CFAP299: variants seen among roughly 807,000 people sequenced by gnomAD.
CFAP299 encodes the protein cilia- and flagella-associated protein 299.
A neutral mutation model predicts 27.0 loss-of-function variants in CFAP299; 21 were observed. The ratio of observed to expected loss-of-function variants is 0.78; its 90% CI spans 0.55 to 1.12. The LOEUF (loss-of-function observed/expected upper bound fraction) is 1.12, where lower values mean the gene tolerates loss of function less well. Ranked by LOEUF, CFAP299 falls within the 50% of genes most tolerant of loss-of-function variation. The probability of loss-of-function intolerance (pLI) is 0.00; values close to 1 mark genes in which losing one functional copy is unlikely to be tolerated. For synonymous variants in CFAP299, 104 were observed against 98.1 expected (o/e 1.06, Z -0.36); for missense variants, 310 against 276.6 (o/e 1.12, Z -0.86).
intron 2 of CFAP299, among the ~76,000 whole-genome samples, chr4:80,558,621 T>G (rs1441595532): frequency 2.0e-5 from 3 of 151,930 alleles, no homozygotes; most frequent in Admixed American, 2.0e-4. Flanking sequence ...TCATAGGAAT[T>G]GAACAAATTT....
intron 2 of CFAP299, among the ~76,000 whole-genome samples, chr4:80,490,888 T>G (rs1041865798): frequency 1.3e-5 from 2 of 152,134 alleles, no homozygotes; most frequent in Admixed American, 1.3e-4. Context: ...TTTTATTGTA[T>G]AAATTTTGAT....
intron 4 of CFAP299, among the ~76,000 whole-genome samples, chr4:80,902,584 T>TAA (rs1273685186): frequency 1.7e-4 from 8 of 47,108 alleles, no homozygotes; most frequent in Admixed American, 3.4e-4. Context: ...ATATGTAATA[T>TAA]ATACACACAC....
intron 3 of CFAP299, among the ~76,000 whole-genome samples, chr4:80,621,687 G>T (rs1037094537): frequency 6.6e-6 from 1 of 151,958 alleles, no homozygotes; most frequent in African/African-American, 2.4e-5. Flanking sequence ...TTAATTATTT[G>T]TTTATAAAAA....
At chr4:80,621,738 G>A (rs954829512) in intron 3 of CFAP299, among the ~76,000 whole-genome samples, 2 of 152,222 alleles carry the variant, frequency 1.3e-5, no homozygotes, top group Admixed American at 6.5e-5. Context: ...GCTTCAACAA[G>A]TAATTATTAC....
intron 3 of CFAP299, among the ~76,000 whole-genome samples, chr4:80,851,763 A>G (rs928753581): frequency 1.3e-5 from 2 of 152,120 alleles, no homozygotes; most frequent in Non-Finnish European, 2.9e-5. Context: ...TTCAGCCTTC[A>G]TCTTCTGTTA....
At position 80,362,878 on chromosome 4, in the gene CFAP299, AG is replaced by A. The variant is rs1560530603; in HGVS notation, c.237del (p.Gln79HisfsTer5). On this transcript the variant is annotated frameshift_variant, in exon 2 of 6. Transcript: ENST00000358105. LOFTEE classifies it high-confidence loss of function. ...IEIARLAERA[Q>X]QKTLTSAGKD... The stretch of plus-strand genomic sequence containing the variant: ...ATTGCAAGACTGGCTGAAAGAGCTC[AG>A]CAAAAGTAAGTGTCCATGTTCCAAA... 8.1e-6 allele frequency: 13 copies of A among 1,604,214 alleles called. No individual in the cohort carries two copies. The highest frequency in any genetic ancestry group is 1.1e-5 in the Non-Finnish European group (13 of 1,177,460).
At chr4:80,559,484 C>T (rs1345961650) in intron 2 of CFAP299, among the ~76,000 whole-genome samples, 1 of 152,040 alleles carries the variant, frequency 6.6e-6, no homozygotes, top group Non-Finnish European at 1.5e-5. Flanking sequence ...CAACTACCTC[C>T]ACAGAAAAAA....
At chr4:80,391,478 G>A (rs1725479359) in intron 2 of CFAP299, among the ~76,000 whole-genome samples, 1 of 152,080 alleles carries the variant, frequency 6.6e-6, no homozygotes, top group African/African-American at 2.4e-5. Flanking sequence ...GTGATGTTGA[G>A]CACTTTTTCA....
At chr4:80,901,769 A>AC (rs1734911467) in intron 4 of CFAP299, among the ~76,000 whole-genome samples, 1 of 152,076 alleles carries the variant, frequency 6.6e-6, no homozygotes, top group African/African-American at 2.4e-5. Flanking sequence ...ATGGTTACCT[A>AC]CTTTAGTTTT....
At chr4:80,626,754 A>G (rs1044081647) in intron 3 of CFAP299, among the ~76,000 whole-genome samples, 5 of 151,750 alleles carry the variant, frequency 3.3e-5, no homozygotes, top group African/African-American at 4.8e-5. Flanking sequence ...CCATTTCAGT[A>G]ACCTAGAGAA....
intron 3 of CFAP299, among the ~76,000 whole-genome samples, chr4:80,782,391 C>A (rs1354697250): frequency 6.6e-6 from 1 of 151,328 alleles, no homozygotes; most frequent in East Asian, 1.9e-4. Flanking sequence ...TTTTAAACAA[C>A]AAATTTTTCT....
At position 80,387,309 on chromosome 4, in the gene CFAP299, G is replaced by C. The variant is rs1297475558; in HGVS notation, c.242+24425G>C. 1.9e-6 allele frequency: 3 copies of C among 1,609,760 alleles called. No individual in the cohort carries two copies. In the African/African-American group the frequency reaches 4.0e-5, roughly 22 times the overall value. ...TGCTCCAGAAATGTGTCGAGCTTTG[G>C]GAACGTTTGGGCACAGCTTTTGACC... is the stretch of plus-strand genomic sequence containing the variant. On this transcript the variant is annotated intron_variant, in intron 2 of 5. Transcript: ENST00000358105.
chr4:80,800,797 A>G (rs1224580034), intron 3 of CFAP299, among the ~76,000 whole-genome samples: 1 of 139,690 alleles, frequency 7.2e-6, no homozygotes, highest in Non-Finnish European at 1.5e-5. Context: ...ATATATATAT[A>G]TGAGTTTAGT....
chr4:80,861,191 C>T (rs1312164328), intron 3 of CFAP299, among the ~76,000 whole-genome samples: 3 of 152,186 alleles, frequency 2.0e-5, no homozygotes, highest in Non-Finnish European at 1.5e-5. Flanking sequence ...AGCGAGACTC[C>T]GTGGGTGTAG....
intron 2 of CFAP299, among the ~76,000 whole-genome samples, chr4:80,379,007 A>G (rs1247733534): frequency 6.6e-6 from 1 of 151,978 alleles, no homozygotes; most frequent in Non-Finnish European, 1.5e-5. Flanking sequence ...GGTAATTTGT[A>G]GAGTTGATGT....
At chr4:80,384,986 A>G (rs1213180770) in intron 2 of CFAP299, among the ~76,000 whole-genome samples, 1 of 152,188 alleles carries the variant, frequency 6.6e-6, no homozygotes. Flanking sequence ...TTGAAAGAAT[A>G]TATATGTTTA....
chr4:80,904,423 C>T (rs1202347152), intron 4 of CFAP299, among the ~76,000 whole-genome samples: 1 of 152,138 alleles, frequency 6.6e-6, no homozygotes, highest in Non-Finnish European at 1.5e-5. Context: ...AGTTGGGAAC[C>T]TTTTGCTTGG....
chr4:80,628,609 C>T (rs555040900), intron 3 of CFAP299, among the ~76,000 whole-genome samples: 9 of 152,028 alleles, frequency 5.9e-5, no homozygotes, highest in East Asian at 3.9e-4. Flanking sequence ...TTCCAAAATA[C>T]GTAAGAAATT....
At chr4:80,615,182 A>G (rs1738209161) in intron 3 of CFAP299, among the ~76,000 whole-genome samples, 1 of 152,182 alleles carries the variant, frequency 6.6e-6, no homozygotes, top group African/African-American at 2.4e-5. Context: ...AATATTTACT[A>G]GTCTGAGCAA....
Sources: allele counts gnomAD v4.1 joint callset (sites outside exome capture counted in the v4.1 genomes callset), GRCh38; gene constraint gnomAD v4.1.1; transcripts MANE v1.5; gene names NCBI Gene and HGNC (gene_info 2026-07-23, HGNC 2026-07-21).